SPIDR: variants seen among roughly 807,000 people sequenced by gnomAD.
SPIDR encodes the protein DNA repair-scaffolding protein.
In SPIDR, 93 loss-of-function variants were observed where a neutral mutation model predicts 104.6. The ratio of observed to expected loss-of-function variants is 0.89; its 90% CI spans 0.75 to 1.06. SPIDR has a LOEUF of 1.06. Ranked by LOEUF, SPIDR falls within the 50% of genes least tolerant of loss-of-function variation. The pLI, the probability that SPIDR is intolerant of heterozygous loss-of-function variation, is 0.00. For missense variants in SPIDR, 1,154 were observed against 1,111.2 expected, an observed-to-expected ratio of 1.04 and a Z score of -0.55; for synonymous variants, 431 against 416.9, an observed-to-expected ratio of 1.03 and a Z score of -0.41.
At chr8:47,673,387 T>C (rs1419847339) in intron 10 of SPIDR, 2 of 456,988 alleles carry the variant, frequency 4.4e-6, no homozygotes, top group Non-Finnish European at 8.8e-6. Context: ...GTATCGAGCA[T>C]CCACACAAAG....
chr8:47,280,014 T>C lies in SPIDR; in HGVS notation c.186T>C (p.Asn62=). ...AAGGGTTTCAGAACACTTCTGGGAATCCGGTAAAGTATCTGTAGAATTGTT... is the reference window on the plus strand; with the variant it reads ...AAGGGTTTCAGAACACTTCTGGGAACCCGGTAAAGTATCTGTAGAATTGTT... ...CGEGFQNTSG[N]PSLTAEEKTI... is the part of the protein sequence containing the mutation. The change falls in exon 2 of 20, where the codon AAT becomes AAC. Residue 62 remains asparagine (N), a synonymous_variant. Coordinates refer to ENST00000297423, the MANE Select transcript of SPIDR (RefSeq NM_001080394.4). 1 of 1,613,162 alleles carries C rather than the reference T, an allele frequency of 6.2e-7. No individual in the cohort carries two copies. The highest frequency in any genetic ancestry group is 8.5e-7 in the Non-Finnish European group (1 of 1,179,638).
intron 5 of SPIDR, among the ~76,000 whole-genome samples, chr8:47,295,715 G>C (rs1243444518): frequency 6.6e-6 from 1 of 152,144 alleles, no homozygotes; most frequent in South Asian, 2.1e-4. Flanking sequence ...CACCTAGATT[G>C]CTTCCAAATC....
chr8:47,327,343 A>G (rs1177870377), intron 5 of SPIDR, among the ~76,000 whole-genome samples: 1 of 150,896 alleles, frequency 6.6e-6, no homozygotes, highest in African/African-American at 2.4e-5. Context: ...CCCTTGTCAA[A>G]TATATGACTG....
chr8:47,320,469 A>C (rs551791167), intron 5 of SPIDR, among the ~76,000 whole-genome samples: 1 of 152,152 alleles, frequency 6.6e-6, no homozygotes, highest in Non-Finnish European at 1.5e-5. Context: ...CTTACCAAAC[A>C]AAAAAAGTCC....
At chr8:47,315,925 G>A (rs1248816782) in intron 5 of SPIDR, among the ~76,000 whole-genome samples, 3 of 152,076 alleles carry the variant, frequency 2.0e-5, no homozygotes, top group Non-Finnish European at 2.9e-5. Context: ...ACAAAGAACA[G>A]GCAAAGGTTT....
chr8:47,735,879 T>C lies in SPIDR; in HGVS notation c.*429T>C, dbSNP rs908299877. 2.4e-5 allele frequency: 7 copies of C among 294,096 alleles called. No individual in the cohort carries two copies. The highest frequency in any genetic ancestry group is 4.6e-5 in the Non-Finnish European group (7 of 153,258). 18.2% of individuals were successfully genotyped at this position (294,096 alleles called of 1,614,324 possible). On this transcript the variant is annotated 3_prime_UTR_variant, in exon 20 of 20. Coordinates refer to ENST00000297423, the MANE Select transcript of SPIDR (RefSeq NM_001080394.4). ...TGTAAACCTTTGTCCCATACTGTGA[T>C]ATTACTGTTCTGCTACAATAAATGT...
chr8:47,632,206 C>G (rs1228567705), intron 10 of SPIDR, among the ~76,000 whole-genome samples: 2 of 152,072 alleles, frequency 1.3e-5, no homozygotes, highest in East Asian at 3.8e-4. Flanking sequence ...TGTGGTTCAC[C>G]CTACTGAGAG....
At chr8:47,371,958 G>A (rs1189146898) in intron 5 of SPIDR, among the ~76,000 whole-genome samples, 1 of 152,156 alleles carries the variant, frequency 6.6e-6, no homozygotes, top group Non-Finnish European at 1.5e-5. Context: ...CTATTCAAGT[G>A]TTCATTCCTC....
chr8:47,333,219 C>T (rs2049078707), intron 5 of SPIDR, among the ~76,000 whole-genome samples: 1 of 152,070 alleles, frequency 6.6e-6, no homozygotes, highest in South Asian at 2.1e-4. Context: ...TCTGGAATAC[C>T]TCCTGAAGGG....
rs751135017 is a variant in SPIDR, at chr8:47,599,052, A to T, written c.1400A>T (p.Asp467Val). The T allele has an allele frequency of 6.2e-6, 10 of 1,613,022 alleles. No homozygotes were observed. In the South Asian group the frequency reaches 1.1e-4, roughly 18 times the overall value. The change falls in exon 10 of 20, where the codon GAT becomes GTT. Residue 467 changes from aspartate to valine, a missense_variant. Physicochemically the swap from Asp to Val is radical, Grantham distance 152 (BLOSUM62 -3). Transcript: ENST00000297423. Reference protein sequence around the residue: ...TSTPLRDSLLDVVESQGAASW... With the variant: ...TSTPLRDSLLVVVESQGAASW... ...ACTCCCCTGAGGGATTCTCTCCTGG[A>T]TGTGGTGGAAAGCCAGGGAGCTGCC...
Position 47,396,508 on chromosome 8 carries a change from A to G in SPIDR, c.658A>G (p.Met220Val), listed in dbSNP as rs781882965. The G allele has an allele frequency of 1.9e-6, 3 of 1,614,060 alleles. No homozygotes were observed. The highest frequency in any genetic ancestry group is 2.5e-6 in the Non-Finnish European group (3 of 1,180,036). The change falls in exon 6 of 20, where the codon ATG becomes GTG. Residue 220 changes from methionine to valine, a missense_variant. Physicochemically the swap from Met to Val is conservative, Grantham distance 21 (BLOSUM62 1). Transcript: ENST00000297423. ...VQFASDARQI[M>V]ERLIDPRTKS... ...GTTTGCATCGGATGCAAGACAGATTATGGAGAGACTGATAGATCCAAGGAC... is the reference window on the plus strand; with the variant it reads ...GTTTGCATCGGATGCAAGACAGATTGTGGAGAGACTGATAGATCCAAGGAC...
At position 47,627,027 on chromosome 8, in the gene SPIDR, G is replaced by A. The variant is rs1329535943; in HGVS notation, c.1544+27831G>A. ...CGATAGACTGGATTAAGCAAATGTG[G>A]CACATATACACCATGGAATACTATG... On this transcript the variant is annotated intron_variant, in intron 10 of 19. Coordinates refer to ENST00000297423, the MANE Select transcript of SPIDR (RefSeq NM_001080394.4). Among the ~76,000 whole-genome samples, 4 of 152,266 alleles carry A rather than the reference G, an allele frequency of 2.6e-5. No homozygotes were observed. The East Asian group carries it at 5.8e-4, about 22-fold the overall frequency.
At chr8:47,637,611 A>C (rs986053238) in intron 10 of SPIDR, among the ~76,000 whole-genome samples, 4 of 152,194 alleles carry the variant, frequency 2.6e-5, no homozygotes, top group African/African-American at 7.2e-5. Context: ...TGTCTGATTT[A>C]TTACATATGA....
intron 8 of SPIDR, among the ~76,000 whole-genome samples, chr8:47,528,965 G>A (rs910134872): frequency 2.6e-5 from 4 of 152,034 alleles, no homozygotes; most frequent in East Asian, 3.9e-4. Flanking sequence ...CAAAATCTAC[G>A]CTTAAGCATA....
intron 8 of SPIDR, among the ~76,000 whole-genome samples, chr8:47,505,065 G>A (rs1286545097): frequency 6.6e-6 from 1 of 152,174 alleles, no homozygotes; most frequent in East Asian, 1.9e-4. Flanking sequence ...TCCCAGTTAG[G>A]CTACTCAGGG....
rs548179702 is a variant in SPIDR at position 47,646,798 on chromosome 8, T to A, written c.1545-27003T>A. Among the ~76,000 whole-genome samples the A allele has an allele frequency of 5.7e-4, 87 of 152,272 alleles. 1 individual carries two copies. Among genetic ancestry groups the A allele is most frequent in the African/African-American group, 1.9e-3 (80 of 41,542 alleles). Reference sequence around the variant, plus strand: ...CGGGAGCTGGACAGAGGGAAATTTGTCACCATATACCTTTAAATTTTGAAT... The same window carrying A: ...CGGGAGCTGGACAGAGGGAAATTTGACACCATATACCTTTAAATTTTGAAT... On this transcript the variant is annotated intron_variant, in intron 10 of 19. Transcript: ENST00000297423.
intron 5 of SPIDR, among the ~76,000 whole-genome samples, chr8:47,317,346 C>T (rs35736883): frequency 1.3e-5 from 2 of 152,206 alleles, no homozygotes; most frequent in East Asian, 1.9e-4. Flanking sequence ...TGCGGAGCCT[C>T]GCTCATTGCT....
intron 8 of SPIDR, among the ~76,000 whole-genome samples, chr8:47,492,697 T>C (rs1055726374): frequency 3.3e-5 from 5 of 152,206 alleles, no homozygotes; most frequent in Non-Finnish European, 7.3e-5. Flanking sequence ...ACAGCTATTA[T>C]GTAAATTTAG....
intron 5 of SPIDR, among the ~76,000 whole-genome samples, chr8:47,317,844 A>G (rs993001313): frequency 4.6e-5 from 7 of 152,164 alleles, no homozygotes; most frequent in African/African-American, 1.7e-4. Flanking sequence ...CAGGGTGTGG[A>G]GTGGACCTCC....
Sources: gnomAD v4.1 joint callset for allele counts (sites outside exome capture counted in the v4.1 genomes callset) on GRCh38, gnomAD v4.1.1 for gene constraint, MANE v1.5 for transcripts, NCBI Gene and HGNC (gene_info 2026-07-23, HGNC 2026-07-21) for gene names.